Variants in TACR1 observed in about 807,000 individuals in gnomAD.
TACR1 encodes substance-P receptor.
A neutral mutation model predicts 35.8 loss-of-function variants in TACR1; 25 were observed. The observed-to-expected ratio is 0.70, with a 90% CI of 0.51 to 0.98. TACR1 has a LOEUF of 0.98. TACR1 is among the 50% of genes least tolerant of loss of function. The probability of loss-of-function intolerance (pLI) is 0.00; values close to 1 mark genes in which losing one functional copy is unlikely to be tolerated. For synonymous variants in TACR1, 195 were observed against 206.7 expected (o/e 0.94, Z 0.48); for missense variants, 478 against 522.9 (o/e 0.91, Z 0.84).
intron 2 of TACR1, among the ~76,000 whole-genome samples, chr2:75,059,590 T>C (rs1445857231): frequency 6.6e-6 from 1 of 152,228 alleles, no homozygotes; most frequent in Non-Finnish European, 1.5e-5. Flanking sequence ...CTTTTGATGC[T>C]GGTAGCTGCA....
chr2:75,186,327 G>A (rs1049228865), intron 1 of TACR1, among the ~76,000 whole-genome samples: 1 of 138,550 alleles, frequency 7.2e-6, no homozygotes, highest in Non-Finnish European at 1.5e-5. Flanking sequence ...AGCTGAGATC[G>A]TGCCATTTTA....
At chr2:75,127,121 C>T (rs1238092758) in intron 1 of TACR1, among the ~76,000 whole-genome samples, 1 of 152,180 alleles carries the variant, frequency 6.6e-6, no homozygotes, top group African/African-American at 2.4e-5. Context: ...ATCCATTCTC[C>T]TTCCATCCTC....
intron 1 of TACR1, among the ~76,000 whole-genome samples, chr2:75,193,184 A>G (rs947444027): frequency 6.6e-6 from 1 of 152,038 alleles, no homozygotes; most frequent in Non-Finnish European, 1.5e-5. Context: ...CTCCCTCTGC[A>G]TGGCATTGAT....
intron 2 of TACR1, among the ~76,000 whole-genome samples, chr2:75,104,505 A>G (rs1430890427): frequency 1.3e-5 from 2 of 152,068 alleles, no homozygotes; most frequent in African/African-American, 4.8e-5. Context: ...GTAAGGAAAC[A>G]TAGGACTTGA....
At chr2:75,131,193 A>G (rs558802529) in intron 1 of TACR1, among the ~76,000 whole-genome samples, 3 of 151,560 alleles carry the variant, frequency 2.0e-5, no homozygotes, top group African/African-American at 7.3e-5. Context: ...GGTTCACGTC[A>G]TTCTCCTGTC....
intron 2 of TACR1, among the ~76,000 whole-genome samples, chr2:75,062,667 A>C (rs1316436954): frequency 1.3e-5 from 2 of 152,200 alleles, no homozygotes; most frequent in African/African-American, 4.8e-5. Flanking sequence ...CCCAAGGTTA[A>C]AGTCACCAGA....
At chr2:75,100,803 G>A (rs1455898159) in intron 2 of TACR1, among the ~76,000 whole-genome samples, 1 of 152,154 alleles carries the variant, frequency 6.6e-6, no homozygotes, top group Non-Finnish European at 1.5e-5. Context: ...AAAAAATAAT[G>A]TTCTTGGTAA....
intron 1 of TACR1, among the ~76,000 whole-genome samples, chr2:75,196,562 G>T (rs970789234): frequency 3.9e-5 from 6 of 152,130 alleles, no homozygotes; most frequent in Non-Finnish European, 7.4e-5. Context: ...ATCACAGAGG[G>T]TCGGGGCTCT....
intron 1 of TACR1, among the ~76,000 whole-genome samples, chr2:75,156,877 A>G (rs944675468): frequency 3.3e-5 from 5 of 152,210 alleles, no homozygotes; most frequent in Non-Finnish European, 5.9e-5. Context: ...TTCTAAATGA[A>G]GTAAAGAGAT....
chr2:75,051,169 C>G (rs1672459950), intron 4 of TACR1, 82 bp downstream of exon 4: 1 of 1,577,602 alleles, frequency 6.3e-7, no homozygotes, highest in Admixed American at 1.7e-5. Flanking sequence ...GCTGGGTTTA[C>G]TCATTTAGGA....
intron 2 of TACR1, among the ~76,000 whole-genome samples, chr2:75,056,278 A>G (rs1410230870): frequency 4.6e-5 from 7 of 152,174 alleles, no homozygotes; most frequent in African/African-American, 1.4e-4. Context: ...AAAACAAACA[A>G]CTTTCCACTT....
intron 1 of TACR1, among the ~76,000 whole-genome samples, chr2:75,193,746 A>G (rs956121222): frequency 6.6e-6 from 1 of 152,010 alleles, no homozygotes; most frequent in Non-Finnish European, 1.5e-5. Context: ...ATCATTCATC[A>G]CTGCTGGGCA....
chr2:75,120,545 C>T lies in TACR1; in HGVS notation c.584+29G>A, dbSNP rs569047484. ...AGGAAGGCAGCCTGCACCATCGTTT[C>T]TTTGGCATGGGGAGTCATCTCTACT... On this transcript the variant is annotated intron_variant, in intron 2 of 4. Coordinates refer to ENST00000305249, the MANE Select transcript of TACR1 (RefSeq NM_001058.4). 2.4e-4 allele frequency: 368 copies of T among 1,554,000 alleles called. 1 individual carries two copies. In the African/African-American group the frequency reaches 4.7e-3, roughly 20 times the overall value.
intron 2 of TACR1, among the ~76,000 whole-genome samples, chr2:75,065,938 C>T (rs1405799543): frequency 6.6e-6 from 1 of 152,152 alleles, no homozygotes; most frequent in African/African-American, 2.4e-5. Context: ...GACTAAGCAT[C>T]CAGACTCACA....
At chr2:75,154,500 A>C (rs1419154846) in intron 1 of TACR1, 1 of 132,282 alleles carries the variant, frequency 7.6e-6, no homozygotes, top group Admixed American at 7.6e-5. Context: ...ACACACACAC[A>C]CACACACACA....
chr2:75,064,889 A>T (rs1672736057), intron 2 of TACR1, among the ~76,000 whole-genome samples: 1 of 152,196 alleles, frequency 6.6e-6, no homozygotes, highest in South Asian at 2.1e-4. Flanking sequence ...CAAAGCTCCT[A>T]GTGGTAAGTT....
intron 1 of TACR1, among the ~76,000 whole-genome samples, chr2:75,170,934 AAG>A (rs780894042): frequency 3.3e-5 from 5 of 152,232 alleles, no homozygotes; most frequent in Non-Finnish European, 5.9e-5. Context: ...TTATGTTTAA[AAG>A]AGAAGCAGGC....
chr2:75,171,398 G>A (rs1675279390), intron 1 of TACR1, among the ~76,000 whole-genome samples: 1 of 152,230 alleles, frequency 6.6e-6, no homozygotes, highest in African/African-American at 2.4e-5. Flanking sequence ...GAGGTGTGCT[G>A]CAGGGGTGAG....
intron 1 of TACR1, among the ~76,000 whole-genome samples, chr2:75,194,006 G>T (rs956048155): frequency 1.3e-5 from 2 of 152,082 alleles, no homozygotes; most frequent in African/African-American, 4.8e-5. Context: ...CTCTAATTCA[G>T]CAACAATAAT....
Sources: gnomAD v4.1 joint callset for allele counts (sites outside exome capture counted in the v4.1 genomes callset) on GRCh38, gnomAD v4.1.1 for gene constraint, MANE v1.5 for transcripts, NCBI Gene and HGNC (gene_info 2026-07-23, HGNC 2026-07-21) for gene names.